Variants in ZZZ3 observed in about 807,000 individuals in gnomAD.
ZZZ3 encodes zinc finger ZZ-type containing 3.
Under a neutral mutation model 95.2 loss-of-function variants are expected in ZZZ3, and 22 were observed. The observed-to-expected ratio is 0.23, with a 90% CI of 0.17 to 0.33. The LOEUF is 0.33. Ranked by LOEUF, ZZZ3 falls within the 10% of genes least tolerant of loss-of-function variation. The pLI, the probability that ZZZ3 is intolerant of heterozygous loss-of-function variation, is 1.00. For synonymous variants in ZZZ3, 335 were observed against 358.9 expected (o/e 0.93, Z 0.75); for missense variants, 885 against 1,066.5 (o/e 0.83, Z 2.37).
At chr1:77,635,229 T>G (rs1189788675) in intron 4 of ZZZ3, among the ~76,000 whole-genome samples, 3 of 152,236 alleles carry the variant, frequency 2.0e-5, no homozygotes, top group Admixed American at 1.3e-4. Context: ...TGTAAAATAT[T>G]TAAGTTGCCT....
intron 1 of ZZZ3, among the ~76,000 whole-genome samples, chr1:77,647,375 A>G (rs1417530935): frequency 2.0e-5 from 3 of 151,986 alleles, no homozygotes; most frequent in Non-Finnish European, 2.9e-5. Flanking sequence ...AAAAATTAGC[A>G]GGGCATGGTG....
intron 9 of ZZZ3, 38 bp downstream of exon 9, chr1:77,580,960 G>GC: frequency 6.4e-7 from 1 of 1,559,014 alleles, no homozygotes; most frequent in Non-Finnish European, 8.8e-7. Context: ...CTGTTTACTT[G>GC]TTTTTTTAAG....
intron 5 of ZZZ3, among the ~76,000 whole-genome samples, chr1:77,591,800 C>G (rs1418661280): frequency 2.6e-5 from 4 of 151,710 alleles, no homozygotes; most frequent in Non-Finnish European, 1.5e-5. Flanking sequence ...TTAAAATGAG[C>G]AAAGAAAAAA....
intron 5 of ZZZ3, among the ~76,000 whole-genome samples, chr1:77,596,318 C>T (rs921313540): frequency 6.6e-6 from 1 of 152,036 alleles, no homozygotes; most frequent in Non-Finnish European, 1.5e-5. Context: ...GGCAAAACTA[C>T]AGAGACAATA....
intron 5 of ZZZ3, among the ~76,000 whole-genome samples, chr1:77,593,922 T>C (rs568508270): frequency 6.6e-6 from 1 of 152,204 alleles, no homozygotes; most frequent in East Asian, 1.9e-4. Flanking sequence ...AAAATGAAAA[T>C]GGACAAAATG....
chr1:77,656,970 TTTTA>T (rs1670323000), intron 1 of ZZZ3, among the ~76,000 whole-genome samples: 1 of 152,298 alleles, frequency 6.6e-6, no homozygotes, highest in South Asian at 2.1e-4. Context: ...TTAAAAACAC[TTTTA>T]TTTCTTTATT....
chr1:77,670,505 C>T (rs1454125570), intron 1 of ZZZ3, among the ~76,000 whole-genome samples: 1 of 152,034 alleles, frequency 6.6e-6, no homozygotes, highest in Non-Finnish European at 1.5e-5. Flanking sequence ...ATGATCCGCC[C>T]ACCTCGGCCT....
intron 5 of ZZZ3, among the ~76,000 whole-genome samples, chr1:77,611,232 CA>C (rs142588523): frequency 1.3e-3 from 75 of 57,278 alleles, no homozygotes; most frequent in Middle Eastern, 0.016. Flanking sequence ...AAATACCTAC[CA>C]AAAAAAAAAA....
At chr1:77,611,409 G>T (rs118031310) in intron 5 of ZZZ3, among the ~76,000 whole-genome samples, 1 of 151,720 alleles carries the variant, frequency 6.6e-6, no homozygotes, top group Non-Finnish European at 1.5e-5. Flanking sequence ...CATACTACTC[G>T]AAGCAACCTA....
At position 77,641,613 on chromosome 1, in the gene ZZZ3, A is replaced by G. The variant is rs1668782868; in HGVS notation, c.-360T>C. The G allele has an allele frequency of 5.0e-6, 2 of 398,060 alleles. No homozygotes were observed. Among genetic ancestry groups the G allele is most frequent in the Non-Finnish European group, 8.9e-6 (2 of 225,820 alleles). The allele number at this position is 398,060 out of a possible 1,614,324, so 24.7% of individuals were successfully genotyped here. A position where few individuals can be genotyped will look rare whatever the true frequency, so the allele number is the denominator to read the frequency against. ...ATTGTCCATGTTACACTGAGACTTC[A>G]GGTATTATTTATTTATATGGTTGTA... On this transcript the variant is annotated 5_prime_UTR_variant, in exon 2 of 15. Coordinates refer to ENST00000370801, the MANE Select transcript of ZZZ3 (RefSeq NM_015534.6).
rs181356283 is a variant in ZZZ3 at position 77,564,300 on chromosome 1, G to C, written c.*1340C>G. The C allele has an allele frequency of 2.6e-5, 4 of 152,036 alleles. No individual in the cohort carries two copies. Among genetic ancestry groups the C allele is most frequent in the Admixed American group, 6.6e-5 (1 of 15,256 alleles). The allele number at this position is 152,036 out of a possible 1,614,324, so 9.4% of individuals were successfully genotyped here. The stretch of plus-strand genomic sequence containing the variant: ...TTAATTTAGTGTTTCAGCACACACT[G>C]AGTAAAAATCTTTACCATTTTTTAC... On this transcript the variant is annotated 3_prime_UTR_variant, in exon 15 of 15. Transcript: ENST00000370801.
intron 1 of ZZZ3, among the ~76,000 whole-genome samples, chr1:77,668,066 T>C (rs1230149297): frequency 2.0e-5 from 3 of 152,132 alleles, no homozygotes; most frequent in African/African-American, 7.2e-5. Flanking sequence ...TACACCTGGC[T>C]AATGGGTATC....
chr1:77,586,483 C>A (rs1231550138), intron 5 of ZZZ3, among the ~76,000 whole-genome samples: 1 of 152,152 alleles, frequency 6.6e-6, no homozygotes, highest in African/African-American at 2.4e-5. Flanking sequence ...TGGCAGCCGT[C>A]TTTTTGTTAG....
At chr1:77,678,819 G>C (rs1479637608) in intron 1 of ZZZ3, among the ~76,000 whole-genome samples, 1 of 152,156 alleles carries the variant, frequency 6.6e-6, no homozygotes, top group Non-Finnish European at 1.5e-5. Flanking sequence ...TGAAGGCTTA[G>C]AGATTTTTTT....
rs1662228197 is a variant in ZZZ3, at chr1:77,578,882, G to A, written c.2083-13C>T. On this transcript the variant is annotated splice_polypyrimidine_tract_variant and intron_variant, in intron 10 of 14. Transcript: ENST00000370801. The stretch of plus-strand genomic sequence containing the variant: ...CTCGGCTGGCAACCTAAGGAAACAT[G>A]ACAAGTCTCTTAACACAATGAGATG... 1 of 1,526,196 alleles carries A rather than the reference G, an allele frequency of 6.6e-7. No homozygotes were observed. Among genetic ancestry groups the A allele is most frequent in the South Asian group, 1.3e-5 (1 of 77,334 alleles). 94.5% of individuals were successfully genotyped at this position (1,526,196 alleles called of 1,614,324 possible). A position where few individuals can be genotyped will look rare whatever the true frequency, so the allele number is the denominator to read the frequency against.
At chr1:77,570,006 A>C (rs1252872914) in intron 12 of ZZZ3, among the ~76,000 whole-genome samples, 1 of 152,200 alleles carries the variant, frequency 6.6e-6, no homozygotes, top group Non-Finnish European at 1.5e-5. Flanking sequence ...TCCTCCTGCT[A>C]CATTAGGTAT....
chr1:77,568,934 C>T (rs1268620724), intron 12 of ZZZ3, among the ~76,000 whole-genome samples: 1 of 152,078 alleles, frequency 6.6e-6, no homozygotes, highest in African/African-American at 2.4e-5. Flanking sequence ...CTCTGTACTC[C>T]CAATGATCAA....
intron 1 of ZZZ3, among the ~76,000 whole-genome samples, chr1:77,678,896 T>C (rs545665175): frequency 2.0e-5 from 3 of 152,330 alleles, no homozygotes; most frequent in African/African-American, 7.2e-5. Context: ...GCTGAATTAC[T>C]GCCTCTAACT....
intron 8 of ZZZ3, 120 bp from the exon 9 acceptor site, chr1:77,581,189 G>A: frequency 1.3e-6 from 1 of 777,266 alleles, no homozygotes; most frequent in East Asian, 2.7e-5. Context: ...GAGTAAATTT[G>A]TTTTTTAATG....
Sources: allele counts gnomAD v4.1 joint callset (sites outside exome capture counted in the v4.1 genomes callset), GRCh38; gene constraint gnomAD v4.1.1; transcripts MANE v1.5; gene names NCBI Gene and HGNC (gene_info 2026-07-23, HGNC 2026-07-21).